The following DYRK4 variants were observed in gnomAD, a reference collection of about 807,000 sequenced individuals.
The protein encoded by DYRK4 is dual specificity tyrosine-phosphorylation-regulated kinase 4.
DYRK4 carries 64 observed loss-of-function variants against 68.3 expected under a neutral mutation model. The ratio of observed to expected loss-of-function variants is 0.94; its 90% CI spans 0.77 to 1.15. The LOEUF (loss-of-function observed/expected upper bound fraction) is 1.15, where lower values mean the gene tolerates loss of function less well. DYRK4 is among the 50% of genes most tolerant of loss of function. The pLI is 0.00. For synonymous variants in DYRK4, 274 were observed against 289.9 expected (o/e 0.95, Z 0.56); for missense variants, 740 against 764.7 (o/e 0.97, Z 0.38).
chr12:4,589,268 G>A (rs1198702562), intron 3 of DYRK4, among the ~76,000 whole-genome samples: 2 of 152,150 alleles, frequency 1.3e-5, no homozygotes, highest in African/African-American at 4.8e-5. Flanking sequence ...TGGGATACAT[G>A]AGATGTTTTG....
intron 11 of DYRK4, among the ~76,000 whole-genome samples, chr12:4,605,725 C>G (rs1162945834): frequency 7.5e-5 from 7 of 93,686 alleles, no homozygotes; most frequent in African/African-American, 2.8e-4. Context: ...ATGAATAGAG[C>G]TGGGTTTTTT....
intron 2 of DYRK4, among the ~76,000 whole-genome samples, chr12:4,586,535 C>T (rs1172275426): frequency 6.6e-6 from 1 of 152,162 alleles, no homozygotes; most frequent in Admixed American, 6.5e-5. Flanking sequence ...TTTTATGGGG[C>T]ACTGTGTGCC....
At chr12:4,571,158 C>T (rs12578549) in intron 2 of DYRK4, among the ~76,000 whole-genome samples, 1 of 152,190 alleles carries the variant, frequency 6.6e-6, no homozygotes, top group Non-Finnish European at 1.5e-5. Flanking sequence ...GGAAGAGAAC[C>T]TGGGAGAGAG....
At chr12:4,564,126 C>G (rs1468071808) in intron 1 of DYRK4, among the ~76,000 whole-genome samples, 1 of 152,028 alleles carries the variant, frequency 6.6e-6, no homozygotes, top group African/African-American at 2.4e-5. Context: ...GCAGAGGGTC[C>G]AAGGAATTCT....
At chr12:4,578,200 C>T (rs1944807779) in intron 2 of DYRK4, among the ~76,000 whole-genome samples, 1 of 152,114 alleles carries the variant, frequency 6.6e-6, no homozygotes, top group African/African-American at 2.4e-5. Context: ...GCCATTTTGT[C>T]ATTATCTCTT....
intron 2 of DYRK4, among the ~76,000 whole-genome samples, chr12:4,579,866 C>T (rs548032015): frequency 2.0e-5 from 3 of 151,964 alleles, no homozygotes; most frequent in African/African-American, 7.3e-5. Context: ...CCTTGTCACC[C>T]GGTTTCCTGG....
chr12:4,601,679 C>T (rs1489567923), intron 10 of DYRK4, among the ~76,000 whole-genome samples: 4 of 152,060 alleles, frequency 2.6e-5, no homozygotes, highest in African/African-American at 9.7e-5. Context: ...CCTGGAAGAG[C>T]TTAGGGTTGA....
At chr12:4,612,871 A>G in intron 14 of DYRK4, 153 bp downstream of exon 14, 1 of 783,842 alleles carries the variant, frequency 1.3e-6, no homozygotes, top group Non-Finnish European at 2.0e-6. Context: ...TATGCTGTTT[A>G]AGCATTTCTG....
Position 4,577,093 on chromosome 12 carries a change from AT to A in DYRK4, c.132+9049del, listed in dbSNP as rs199660894. Reference sequence around the variant, plus strand: ...CATTACTGAACTGAAGGTCACCTAGATTTTCTTCTATGTCACCTTCTAGAAG... The same window carrying A: ...CATTACTGAACTGAAGGTCACCTAGATTTCTTCTATGTCACCTTCTAGAAG... On this transcript the variant is annotated intron_variant, in intron 2 of 14. Transcript: ENST00000543431. 8.9e-3 allele frequency among the ~76,000 whole-genome samples: 1,352 copies of A among 152,024 alleles called. 19 individuals are homozygous for A. Among genetic ancestry groups the A allele is most frequent in the African/African-American group, 0.03 (1,263 of 41,458 alleles).
chr12:4,606,579 A>G (rs1178414267), intron 11 of DYRK4, among the ~76,000 whole-genome samples: 1 of 152,212 alleles, frequency 6.6e-6, no homozygotes, highest in Non-Finnish European at 1.5e-5. Flanking sequence ...TCTGGACTAT[A>G]AAATGAGGGG....
chr12:4,612,423 T>C, intron 13 of DYRK4, 120 bp from the exon 14 acceptor site: 1 of 1,054,370 alleles, frequency 9.5e-7, no homozygotes, highest in Non-Finnish European at 1.3e-6. Flanking sequence ...TGTTCTATGA[T>C]TATATATCTT....
At position 4,591,249 on chromosome 12, in the gene DYRK4, G is replaced by A; in HGVS notation, c.414G>A (p.Lys138=). The A allele has an allele frequency of 6.2e-7, 1 of 1,614,114 alleles. No individual in the cohort carries two copies. The highest frequency in any genetic ancestry group is 8.5e-7 in the Non-Finnish European group (1 of 1,180,026). ...CTAGCATTAAAACCCAGGATCCCAA[G>A]GCAGAGGAGAAGTCACCAAAGAAGC... ...FHPSIKTQDP[K]AEEKSPKKQK... The change falls in exon 5 of 15, where the codon AAG becomes AAA. Residue 138 remains lysine (K), a synonymous_variant. Coordinates refer to ENST00000543431, the MANE Select transcript of DYRK4 (RefSeq NM_001394779.1). The surrounding 1 kb of genome is among the most constrained non-coding windows in gnomAD (Gnocchi z 4.1).
Position 4,590,449 on chromosome 12 carries a change from A to AGACG in DYRK4, c.324+13_324+16dup, listed in dbSNP as rs1422606824. 2 of 1,535,304 alleles carry AGACG rather than the reference A, an allele frequency of 1.3e-6. No individual in the cohort carries two copies. Among genetic ancestry groups the AGACG allele is most frequent in the Non-Finnish European group, 1.7e-6 (2 of 1,146,628 alleles). ...CATCCCTGCTGTATCAGGTGAGTGC[A>AGACG]GACGGACTGGACCCTGAGAAGGCAG... On this transcript the variant is annotated intron_variant, in intron 4 of 14. Coordinates refer to ENST00000543431, the MANE Select transcript of DYRK4 (RefSeq NM_001394779.1).
intron 2 of DYRK4, among the ~76,000 whole-genome samples, chr12:4,573,581 G>T (rs572986318): frequency 3.2e-4 from 48 of 152,256 alleles, no homozygotes; most frequent in Admixed American, 5.9e-4. Context: ...TCAGTTCGAC[G>T]TTGAAGGTGG....
At chr12:4,562,466 A>G (rs1352164516) in intron 1 of DYRK4, among the ~76,000 whole-genome samples, 183 bp downstream of exon 1, 2 of 152,240 alleles carry the variant, frequency 1.3e-5, no homozygotes, top group Non-Finnish European at 2.9e-5. Flanking sequence ...ATACAGTTGT[A>G]GTTTTTGCAG....
chr12:4,574,173 C>G (rs915141627), intron 2 of DYRK4, among the ~76,000 whole-genome samples: 5 of 150,286 alleles, frequency 3.3e-5, no homozygotes, highest in African/African-American at 4.9e-5. Context: ...TGCAGTGCGC[C>G]GAGATCGCGC....
At chr12:4,562,352 T>C (rs1944635177) in intron 1 of DYRK4, 69 bp downstream of exon 1, 1 of 1,492,572 alleles carries the variant, frequency 6.7e-7, no homozygotes, top group Non-Finnish European at 8.9e-7. Flanking sequence ...ACGAAGCTTC[T>C]GGTCGACGGG....
At chr12:4,603,535 G>A in intron 10 of DYRK4, 1 of 213,340 alleles carries the variant, frequency 4.7e-6, no homozygotes, top group Non-Finnish European at 9.4e-6. Context: ...ACGGCCAGGG[G>A]AGTTCTCCTC....
Position 4,599,755 on chromosome 12 carries a change from G to T in DYRK4, c.1093G>T (p.Asp365Tyr). The change falls in exon 10 of 15, where the codon GAC becomes TAC. Residue 365 changes from aspartate to tyrosine, a missense_variant. Around this residue, in one of 3 missense-constraint regions of DYRK4, gnomAD observed 614 missense variants for 603.7 expected, o/e 1.02. Transcript: ENST00000543431. Reference sequence around the variant, plus strand: ...GGGCCAAGCCTCTGTTAAAGTCATTGACTTTGGATCAAGCTGTTATGAACA... The same window carrying T: ...GGGCCAAGCCTCTGTTAAAGTCATTTACTTTGGATCAAGCTGTTATGAACA... ...QKGQASVKVI[D>Y]FGSSCYEHQK... 3 of 1,614,140 alleles carry T rather than the reference G, an allele frequency of 1.9e-6. No homozygotes were observed. The highest frequency in any genetic ancestry group is 1.1e-5 in the South Asian group (1 of 91,080).
Sources: allele counts gnomAD v4.1 joint callset (sites outside exome capture counted in the v4.1 genomes callset), GRCh38; gene constraint gnomAD v4.1.1; regional missense constraint gnomAD v4.1.1; non-coding constraint Gnocchi (gnomAD v3.1); transcripts MANE v1.5; gene names NCBI Gene and HGNC (gene_info 2026-07-23, HGNC 2026-07-21).